Variants in CADPS2 observed in about 807,000 individuals in gnomAD.
CADPS2 encodes calcium-dependent secretion activator 2.
Under a neutral mutation model 172.5 loss-of-function variants are expected in CADPS2, and 93 were observed. The ratio of observed to expected loss-of-function variants is 0.54; its 90% confidence interval spans 0.46 to 0.64. CADPS2 has a LOEUF of 0.64. Among genes scored for constraint, CADPS2 ranks in the 30% least tolerant of loss-of-function variants. CADPS2 has a pLI of 0.00. For missense variants in CADPS2, 1,420 were observed against 1,565.9 expected, an observed-to-expected ratio of 0.91 and a Z score of 1.57; for synonymous variants, 546 against 555.2, an observed-to-expected ratio of 0.98 and a Z score of 0.23.
intron 6 of CADPS2, among the ~76,000 whole-genome samples, chr7:122,591,447 A>T (rs577333282): frequency 6.6e-6 from 1 of 152,276 alleles, no homozygotes; most frequent in East Asian, 1.9e-4. Flanking sequence ...ATCCCCATCA[A>T]GCTACCAATG....
intron 1 of CADPS2, among the ~76,000 whole-genome samples, chr7:122,830,232 G>A (rs1010396097): frequency 3.9e-5 from 6 of 152,080 alleles, no homozygotes; most frequent in African/African-American, 1.4e-4. Context: ...ATCACCAAAG[G>A]AGTGCATGTC....
chr7:122,349,625 T>G (rs1369580448), intron 27 of CADPS2, among the ~76,000 whole-genome samples: 1 of 152,184 alleles, frequency 6.6e-6, no homozygotes, highest in African/African-American at 2.4e-5. Flanking sequence ...TAAGGTGAGT[T>G]CCTCTGACAC....
At chr7:122,595,827 C>T (rs1352285986) in intron 6 of CADPS2, among the ~76,000 whole-genome samples, 3 of 152,044 alleles carry the variant, frequency 2.0e-5, no homozygotes, top group African/African-American at 7.2e-5. Flanking sequence ...AGGGTAGGAT[C>T]ACCTGAGACT....
At chr7:122,673,451 C>T (rs1334252100) in intron 2 of CADPS2, among the ~76,000 whole-genome samples, 1 of 152,144 alleles carries the variant, frequency 6.6e-6, no homozygotes, top group East Asian at 1.9e-4. Flanking sequence ...TCTCCAAGTC[C>T]CCACTAGATT....
intron 1 of CADPS2, among the ~76,000 whole-genome samples, chr7:122,852,970 C>T (rs1017031677): frequency 6.6e-6 from 1 of 152,040 alleles, no homozygotes; most frequent in Non-Finnish European, 1.5e-5. Flanking sequence ...GAAAATCCAC[C>T]ATAAAAAAAT....
chr7:122,631,395 T>C (rs1262266348), intron 3 of CADPS2, among the ~76,000 whole-genome samples: 2 of 152,186 alleles, frequency 1.3e-5, no homozygotes, highest in African/African-American at 4.8e-5. Context: ...TTGTTTGAGT[T>C]ATTTCTAAAT....
intron 25 of CADPS2, among the ~76,000 whole-genome samples, chr7:122,363,021 C>T (rs889894517): frequency 2.6e-5 from 4 of 151,016 alleles, no homozygotes; most frequent in Non-Finnish European, 5.9e-5. Context: ...CTAAAGGATG[C>T]CTAGGGAAAA....
At chr7:122,724,384 A>G (rs2090858749) in intron 2 of CADPS2, among the ~76,000 whole-genome samples, 1 of 151,912 alleles carries the variant, frequency 6.6e-6, no homozygotes, top group African/African-American at 2.4e-5. Flanking sequence ...GTATATGTTC[A>G]GTGTCGTATA....
At chr7:122,572,008 G>A (rs1482656311) in intron 7 of CADPS2, among the ~76,000 whole-genome samples, 2 of 151,954 alleles carry the variant, frequency 1.3e-5, no homozygotes, top group Non-Finnish European at 2.9e-5. Flanking sequence ...AATTTATATT[G>A]GGGATTTAAG....
intron 1 of CADPS2, among the ~76,000 whole-genome samples, chr7:122,875,006 C>A (rs1216842596): frequency 6.6e-6 from 1 of 152,100 alleles, no homozygotes; most frequent in East Asian, 1.9e-4. Context: ...TAAGATTAAA[C>A]ATATCAGTGG....
chr7:122,438,058 C>T (rs1009793910), intron 17 of CADPS2, among the ~76,000 whole-genome samples: 12 of 152,038 alleles, frequency 7.9e-5, no homozygotes, highest in African/African-American at 2.9e-4. Context: ...CCAAAAAATA[C>T]AACCCATGAA....
intron 1 of CADPS2, among the ~76,000 whole-genome samples, chr7:122,881,873 C>T (rs933760259): frequency 6.6e-6 from 1 of 152,126 alleles, no homozygotes; most frequent in Non-Finnish European, 1.5e-5. Context: ...CCCACTTTCC[C>T]ACAGAAAAGT....
intron 1 of CADPS2, among the ~76,000 whole-genome samples, chr7:122,817,233 C>T (rs1315974732): frequency 1.3e-5 from 2 of 152,188 alleles, no homozygotes; most frequent in Non-Finnish European, 2.9e-5. Context: ...ATCCCCTGTC[C>T]TCCTGTTCTT....
chr7:122,802,283 G>GA, intron 1 of CADPS2, among the ~76,000 whole-genome samples: 2 of 152,224 alleles, frequency 1.3e-5, no homozygotes, highest in Middle Eastern at 6.8e-3. Flanking sequence ...TTTTCAATGA[G>GA]AAAAAAAGAA....
intron 29 of CADPS2, among the ~76,000 whole-genome samples, chr7:122,323,748 G>A (rs2033108915): frequency 6.6e-6 from 1 of 151,546 alleles, no homozygotes; most frequent in Non-Finnish European, 1.5e-5. Flanking sequence ...CTTGAACACA[G>A]TAGGCATTAG....
At position 122,560,943 on chromosome 7, in the gene CADPS2, C is replaced by G. The variant is rs186076718; in HGVS notation, c.1336-6254G>C. ...TTAATATTTGCCCCAATATCAGAAC[C>G]CTTATAGTATGTGAAGATGGATCAG... is the stretch of plus-strand genomic sequence containing the variant. On this transcript the variant is annotated intron_variant, in intron 7 of 29. Coordinates refer to ENST00000449022, the MANE Select transcript of CADPS2 (RefSeq NM_017954.11). Among the ~76,000 whole-genome samples, 48 of 152,084 alleles carry G rather than the reference C, an allele frequency of 3.2e-4. 1 individual carries two copies. The highest frequency in any genetic ancestry group is 5.9e-4 in the Non-Finnish European group (40 of 67,990).
chr7:122,520,223 GATTT>G (rs1023187284), intron 8 of CADPS2, among the ~76,000 whole-genome samples: 3 of 151,980 alleles, frequency 2.0e-5, no homozygotes, highest in Admixed American at 6.6e-5. Flanking sequence ...CTTGGCAATA[GATTT>G]ATTGAGTAAA....
chr7:122,530,390 A>G (rs141774146), intron 8 of CADPS2, among the ~76,000 whole-genome samples: 172 of 152,106 alleles, frequency 1.1e-3, no homozygotes, highest in East Asian at 0.01. Context: ...ACAAATTTTA[A>G]AAAGTGAGTA....
intron 5 of CADPS2, among the ~76,000 whole-genome samples, chr7:122,617,300 A>C (rs1020662132): frequency 6.6e-6 from 1 of 152,216 alleles, no homozygotes; most frequent in Admixed American, 6.5e-5. Flanking sequence ...AAATAAAACA[A>C]TATGATTCTA....
Sources: allele counts gnomAD v4.1 joint callset (sites outside exome capture counted in the v4.1 genomes callset), GRCh38; gene constraint gnomAD v4.1.1; transcripts MANE v1.5; gene names NCBI Gene and HGNC (gene_info 2026-07-23, HGNC 2026-07-21).